PTPN12: variants seen among roughly 807,000 people sequenced by gnomAD.
The protein encoded by PTPN12 is protein tyrosine phosphatase non-receptor type 12.
Under a neutral mutation model 97.6 loss-of-function variants are expected in PTPN12, and 29 were observed. That is an observed-to-expected ratio of 0.30 (90% CI 0.22 to 0.41). The LOEUF (loss-of-function observed/expected upper bound fraction) is 0.41, where lower values mean the gene tolerates loss of function less well. Among genes scored for constraint, PTPN12 ranks in the 10% least tolerant of loss-of-function variants. The pLI, the probability that PTPN12 is intolerant of heterozygous loss-of-function variation, is 1.00. For synonymous variants in PTPN12, 327 were observed against 300.4 expected (o/e 1.09, Z -0.91); for missense variants, 819 against 926.0 (o/e 0.88, Z 1.50).
intron 8 of PTPN12, chr7:77,601,053 C>T: frequency 2.7e-6 from 1 of 371,696 alleles, no homozygotes; most frequent in Non-Finnish European, 4.9e-6. Context: ...ATAGAACATA[C>T]TCTTTTTACT....
chr7:77,540,452 G>C (rs558886558), intron 1 of PTPN12, among the ~76,000 whole-genome samples: 49 of 151,818 alleles, frequency 3.2e-4, no homozygotes, highest in African/African-American at 1.1e-3. Context: ...TGGCCAGACT[G>C]GTCTTGAACT....
At chr7:77,611,128 G>A in intron 11 of PTPN12, 82 bp downstream of exon 11, 1 of 1,075,898 alleles carries the variant, frequency 9.3e-7, no homozygotes, top group African/African-American at 1.6e-5. Flanking sequence ...TTGTTGTCTT[G>A]TGTTTTGTCT....
intron 5 of PTPN12, among the ~76,000 whole-genome samples, chr7:77,587,963 G>A (rs1288301032): frequency 6.6e-6 from 1 of 152,208 alleles, no homozygotes; most frequent in Non-Finnish European, 1.5e-5. Flanking sequence ...AATGAAGGGA[G>A]TTAGTGCCTT....
chr7:77,626,443 T>A (rs1789182624), intron 12 of PTPN12, among the ~76,000 whole-genome samples: 1 of 152,164 alleles, frequency 6.6e-6, no homozygotes, highest in African/African-American at 2.4e-5. Flanking sequence ...TATAAAAAAA[T>A]GTTGAAAGTT....
At position 77,537,526 on chromosome 7, in the gene PTPN12, C is replaced by A; in HGVS notation, c.-21C>A. The A allele has an allele frequency of 6.3e-7, 1 of 1,575,662 alleles. No individual in the cohort carries two copies. The highest frequency in any genetic ancestry group is 8.6e-7 in the Non-Finnish European group (1 of 1,163,172). On this transcript the variant is annotated 5_prime_UTR_variant, in exon 1 of 18. Transcript: ENST00000248594. The stretch of plus-strand genomic sequence containing the variant: ...CGGGCGGCGGGGGGGCCAGCGACCG[C>A]AGCCGGGGGGACGCGGGAGGATGGA...
chr7:77,566,745 C>T (rs1808278888), intron 1 of PTPN12, among the ~76,000 whole-genome samples: 1 of 152,006 alleles, frequency 6.6e-6, no homozygotes, highest in Non-Finnish European at 1.5e-5. Context: ...TTAGGGTAGA[C>T]TTAATTGCAA....
At chr7:77,610,716 A>G (rs748872818) in intron 9 of PTPN12, 49 bp from the exon 10 acceptor site, 18 of 1,517,606 alleles carry the variant, frequency 1.2e-5, no homozygotes, top group African/African-American at 9.8e-5. Context: ...AGATTTTACT[A>G]TTTTCTGAAT....
intron 4 of PTPN12, 123 bp downstream of exon 4, chr7:77,583,773 T>A: frequency 1.7e-6 from 1 of 588,994 alleles, no homozygotes; most frequent in Non-Finnish European, 2.7e-6. Flanking sequence ...TTATTGCTGA[T>A]GTTTACTAAA....
chr7:77,609,263 C>T (rs1324493735), intron 9 of PTPN12, among the ~76,000 whole-genome samples: 2 of 77,998 alleles, frequency 2.6e-5, no homozygotes, highest in Non-Finnish European at 4.4e-5. Flanking sequence ...GAACATAGTT[C>T]TCTCTCTCTC....
chr7:77,571,885 G>T (rs1048138972), intron 2 of PTPN12, among the ~76,000 whole-genome samples: 1 of 152,010 alleles, frequency 6.6e-6, no homozygotes, highest in East Asian at 1.9e-4. Context: ...CAGTTTTCTG[G>T]CAAGATAACT....
chr7:77,575,490 A>G (rs1393787455), intron 2 of PTPN12, among the ~76,000 whole-genome samples: 8 of 152,194 alleles, frequency 5.3e-5, no homozygotes, highest in Admixed American at 5.2e-4. Context: ...CCTGGGTAAC[A>G]GAGCGAGACT....
At chr7:77,568,957 C>G (rs958737265) in intron 1 of PTPN12, among the ~76,000 whole-genome samples, 1 of 152,124 alleles carries the variant, frequency 6.6e-6, no homozygotes, top group Non-Finnish European at 1.5e-5. Flanking sequence ...GTGCAAGATG[C>G]GTATATAAGT....
In PTPN12 at chr7:77,618,663, T is replaced by A; in HGVS notation, c.1025+98T>A. 7.6e-6 allele frequency: 6 copies of A among 792,356 alleles called. No homozygotes were observed. The South Asian group carries it at 1.1e-4, about 15-fold the overall frequency. 49.1% of individuals were successfully genotyped at this position (792,356 alleles called of 1,614,324 possible). A position where few individuals can be genotyped will look rare whatever the true frequency, so the allele number is the denominator to read the frequency against. ...TCTGAATATTTCTAAATTACTTTTATAACTTTTATTATTATTTTGTTAGGA... is the reference window on the plus strand; with the variant it reads ...TCTGAATATTTCTAAATTACTTTTAAAACTTTTATTATTATTTTGTTAGGA... On this transcript the variant is annotated intron_variant, in intron 12 of 17. Coordinates refer to ENST00000248594, the MANE Select transcript of PTPN12 (RefSeq NM_002835.4).
At chr7:77,621,180 C>T (rs1034184345) in intron 12 of PTPN12, among the ~76,000 whole-genome samples, 2 of 151,952 alleles carry the variant, frequency 1.3e-5, no homozygotes, top group African/African-American at 4.8e-5. Context: ...TAAGCATACA[C>T]AGGGTCAGGA....
intron 12 of PTPN12, among the ~76,000 whole-genome samples, chr7:77,624,335 G>A (rs1789054416): frequency 6.6e-6 from 1 of 151,898 alleles, no homozygotes; most frequent in Non-Finnish European, 1.5e-5. Flanking sequence ...GAGTATTGCT[G>A]TCATTTTAAT....
Position 77,581,456 on chromosome 7 carries a change from A to C in PTPN12, c.238A>C (p.Lys80Gln). Residue 80 changes from lysine (K) to glutamine (Q), a missense_variant, in exon 3 of 18, where the codon AAG (lysine) becomes CAG (glutamine). By Grantham distance (53) the Lys-to-Gln change is moderately conservative. Coordinates refer to ENST00000248594, the MANE Select transcript of PTPN12 (RefSeq NM_002835.4). ...FDHSRVKLTL[K>Q]TPSQDSDYIN... ...TCACAGCCGAGTTAAATTGACATTAAAGACTCCTTCACAAGATTCAGACTA... is the reference window on the plus strand; with the variant it reads ...TCACAGCCGAGTTAAATTGACATTACAGACTCCTTCACAAGATTCAGACTA... The C allele has an allele frequency of 6.2e-7, 1 of 1,608,628 alleles. No individual in the cohort carries two copies. Among genetic ancestry groups the C allele is most frequent in the Non-Finnish European group, 8.5e-7 (1 of 1,176,690 alleles).
chr7:77,564,853 GT>G (rs1303228983), intron 1 of PTPN12, among the ~76,000 whole-genome samples: 6 of 137,878 alleles, frequency 4.4e-5, no homozygotes, highest in Non-Finnish European at 7.6e-5. Flanking sequence ...CGCCTTACTG[GT>G]TTAAGTGATT....
chr7:77,564,763 T>G (rs1241996018), intron 1 of PTPN12, among the ~76,000 whole-genome samples: 1 of 108,332 alleles, frequency 9.2e-6, no homozygotes, highest in Non-Finnish European at 1.9e-5. Flanking sequence ...TTTTTTTTTT[T>G]TTTTTTTTTT....
intron 1 of PTPN12, chr7:77,538,691 A>G (rs10269614): frequency 0.021 from 3,259 of 152,366 alleles, 105 homozygotes; most frequent in African/African-American, 0.074. Flanking sequence ...TGAGACCAGA[A>G]GTCGACTTCC....
Sources: allele counts gnomAD v4.1 joint callset (sites outside exome capture counted in the v4.1 genomes callset), GRCh38; gene constraint gnomAD v4.1.1; transcripts MANE v1.5; gene names NCBI Gene and HGNC (gene_info 2026-07-23, HGNC 2026-07-21).